Variants in ADAMTSL1 observed in about 807,000 individuals in gnomAD.
ADAMTSL1 encodes the protein ADAMTS like 1.
ADAMTSL1 carries 126 observed loss-of-function variants against 201.8 expected under a neutral mutation model. The ratio of observed to expected loss-of-function variants is 0.62; its 90% confidence interval spans 0.54 to 0.72. ADAMTSL1 has a LOEUF of 0.72. Ranked by LOEUF, ADAMTSL1 falls within the 30% of genes least tolerant of loss-of-function variation. ADAMTSL1 has a pLI of 0.00. For missense variants in ADAMTSL1, 2,679 were observed against 2,277.8 expected, an observed-to-expected ratio of 1.18 and a Z score of -3.59; for synonymous variants, 1,121 against 903.4, an observed-to-expected ratio of 1.24 and a Z score of -4.32.
In ADAMTSL1 at chr9:18,755,009, C is replaced by G. The variant is rs535580951; in HGVS notation, c.2217+1501C>G. Among the ~76,000 whole-genome samples the G allele has an allele frequency of 4.6e-5, 7 of 152,298 alleles. No individual in the cohort carries two copies. In the East Asian group the frequency reaches 1.4e-3, roughly 30 times the overall value. On this transcript the variant is annotated intron_variant, in intron 16 of 28. Transcript: ENST00000380548. ...AGGTTTGAGGAAACTGAGGCAAACA[C>G]AGCTAGCAAATTTAGGGTTGGCTAT...
At chr9:18,243,756 G>A (rs1485593966) in intron 2 of ADAMTSL1, among the ~76,000 whole-genome samples, 2 of 150,348 alleles carry the variant, frequency 1.3e-5, no homozygotes, top group Non-Finnish European at 3.0e-5. Flanking sequence ...ACAGACCCAG[G>A]CATGCATACC....
chr9:18,151,892 T>A (rs1826933015), intron 1 of ADAMTSL1, among the ~76,000 whole-genome samples: 1 of 152,060 alleles, frequency 6.6e-6, no homozygotes, highest in African/African-American at 2.4e-5. Flanking sequence ...CAGTCTTCTT[T>A]ACATTGGAAT....
At chr9:18,196,203 C>A (rs1829171170) in intron 2 of ADAMTSL1, among the ~76,000 whole-genome samples, 1 of 152,018 alleles carries the variant, frequency 6.6e-6, no homozygotes, top group Non-Finnish European at 1.5e-5. Context: ...CTACCCACTC[C>A]TAAACAAACT....
At chr9:18,124,434 G>A (rs989638954) in intron 1 of ADAMTSL1, among the ~76,000 whole-genome samples, 1 of 151,966 alleles carries the variant, frequency 6.6e-6, no homozygotes, top group African/African-American at 2.4e-5. Context: ...CCAAATTCTT[G>A]TCATTTTATT....
At chr9:18,127,087 G>C (rs540497528) in intron 1 of ADAMTSL1, among the ~76,000 whole-genome samples, 2 of 152,110 alleles carry the variant, frequency 1.3e-5, no homozygotes, top group Non-Finnish European at 2.9e-5. Flanking sequence ...TGTGTAACTG[G>C]GAGCTCATTG....
chr9:18,770,474 C>G (rs1023410948), intron 16 of ADAMTSL1, 128 bp from the exon 17 acceptor site: 1 of 995,946 alleles, frequency 1.0e-6, no homozygotes, highest in Admixed American at 2.9e-5. Flanking sequence ...GGGCCGATTC[C>G]TGGTTTTTCT....
intron 2 of ADAMTSL1, among the ~76,000 whole-genome samples, chr9:18,461,236 A>T (rs187163297): frequency 5.3e-5 from 8 of 152,290 alleles, no homozygotes; most frequent in African/African-American, 1.9e-4. Context: ...ATTTTAACAT[A>T]TATTTTAATC....
At position 18,826,228 on chromosome 9, in the gene ADAMTSL1, A is replaced by T. The variant is rs781552829; in HGVS notation, c.3935-56A>T. 10 of 1,551,138 alleles carry T rather than the reference A, an allele frequency of 6.4e-6. No homozygotes were observed. The South Asian group carries it at 1.1e-4, about 17-fold the overall frequency. Reference sequence around the variant, plus strand: ...AGAAGCTATAAATGCCTCTGGGCTCACCTGAATGTGTTTGACTGATGAGTG... The same window carrying T: ...AGAAGCTATAAATGCCTCTGGGCTCTCCTGAATGTGTTTGACTGATGAGTG... On this transcript the variant is annotated intron_variant, in intron 21 of 28. Coordinates refer to ENST00000380548, the MANE Select transcript of ADAMTSL1 (RefSeq NM_001040272.6).
intron 1 of ADAMTSL1, among the ~76,000 whole-genome samples, chr9:18,484,749 G>T (rs1587345329): frequency 6.6e-6 from 1 of 152,132 alleles, no homozygotes; most frequent in Non-Finnish European, 1.5e-5. Context: ...CAGGCTCCAG[G>T]ATTTTGATTT....
chr9:18,272,125 T>G (rs1161948497), intron 2 of ADAMTSL1, among the ~76,000 whole-genome samples: 1 of 152,142 alleles, frequency 6.6e-6, no homozygotes, highest in Non-Finnish European at 1.5e-5. Flanking sequence ...ATTCTGTAGG[T>G]TGCCTGTTCA....
intron 9 of ADAMTSL1, among the ~76,000 whole-genome samples, chr9:18,674,888 T>C (rs533800618): frequency 1.6e-4 from 25 of 152,214 alleles, no homozygotes; most frequent in African/African-American, 5.8e-4. Context: ...AGCGGTCTTA[T>C]CCAAAACCCA....
rs1246113413 is a variant in ADAMTSL1, at chr9:18,839,691, A to C, written c.4249+9714A>C. On this transcript the variant is annotated intron_variant, in intron 23 of 28. Transcript: ENST00000380548. ...CCTATTTCTCCACATCCTCTCCAGC[A>C]CCTGTTGTTTCCTGACTTTTTAATG... is the stretch of plus-strand genomic sequence containing the variant. 2.6e-5 allele frequency among the ~76,000 whole-genome samples: 4 copies of C among 152,124 alleles called. 1 individual carries two copies. The highest frequency in any genetic ancestry group is 2.0e-4 in the Admixed American group (3 of 15,276).
intron 2 of ADAMTSL1, among the ~76,000 whole-genome samples, chr9:18,217,328 T>C (rs1247937988): frequency 1.3e-5 from 2 of 152,188 alleles, no homozygotes; most frequent in Non-Finnish European, 2.9e-5. Flanking sequence ...TTTGCCCGTG[T>C]GTTTTTTTCA....
At chr9:18,450,712 G>T (rs904665362) in intron 2 of ADAMTSL1, among the ~76,000 whole-genome samples, 1 of 150,998 alleles carries the variant, frequency 6.6e-6, no homozygotes, top group African/African-American at 2.5e-5. Flanking sequence ...AACTCCCTTT[G>T]CTTTGTTGTC....
chr9:18,748,970 G>A (rs1044870097), intron 15 of ADAMTSL1, among the ~76,000 whole-genome samples: 4 of 152,072 alleles, frequency 2.6e-5, no homozygotes, highest in Admixed American at 1.3e-4. Flanking sequence ...GGCACTCTTC[G>A]GCATTCCTTG....
At chr9:17,907,290 C>T (rs1825755176) in intron 1 of ADAMTSL1, among the ~76,000 whole-genome samples, 1 of 152,196 alleles carries the variant, frequency 6.6e-6, no homozygotes, top group South Asian at 2.1e-4. Context: ...TTCGCGGAGC[C>T]CCCTCTCTCG....
Position 18,865,686 on chromosome 9 carries a change from T to C in ADAMTSL1, c.4250-22145T>C, listed in dbSNP as rs117946379. On this transcript the variant is annotated intron_variant, in intron 23 of 28. Transcript: ENST00000380548. ...TGGCTTTGGCTCAGTTTAGAACCAC[T>C]TTAGGCCTAGGAATGGGGCCTAAAG... is the stretch of plus-strand genomic sequence containing the variant. Among the ~76,000 whole-genome samples, 166 of 152,300 alleles carry C rather than the reference T, an allele frequency of 1.1e-3. 1 individual carries two copies. Among genetic ancestry groups the C allele is most frequent in the Non-Finnish European group, 2.0e-3 (137 of 68,024 alleles).
chr9:18,640,350 TAAGCAA>T (rs980278987), intron 7 of ADAMTSL1, among the ~76,000 whole-genome samples: 2 of 152,156 alleles, frequency 1.3e-5, no homozygotes, highest in African/African-American at 2.4e-5. Context: ...TGATTTCTGT[TAAGCAA>T]GAAAATCCAG....
At chr9:18,049,813 T>C (rs998744815) in intron 1 of ADAMTSL1, among the ~76,000 whole-genome samples, 1 of 152,050 alleles carries the variant, frequency 6.6e-6, no homozygotes, top group African/African-American at 2.4e-5. Flanking sequence ...TTAGTAGAGA[T>C]AGGGTTTTAC....
Sources: gnomAD v4.1 joint callset for allele counts (sites outside exome capture counted in the v4.1 genomes callset) on GRCh38, gnomAD v4.1.1 for gene constraint, MANE v1.5 for transcripts, NCBI Gene and HGNC (gene_info 2026-07-23, HGNC 2026-07-21) for gene names.